Variants in PAPSS1 observed in about 807,000 individuals in gnomAD.
The protein encoded by PAPSS1 is 3'-phosphoadenosine 5'-phosphosulfate synthase 1.
PAPSS1 carries 50 observed loss-of-function variants against 72.0 expected under a neutral mutation model. The ratio of observed to expected loss-of-function variants is 0.69; its 90% CI spans 0.55 to 0.88. The LOEUF is 0.88. Among genes scored for constraint, PAPSS1 ranks in the 40% least tolerant of loss-of-function variants. The probability of loss-of-function intolerance (pLI) is 0.00; values close to 1 mark genes in which losing one functional copy is unlikely to be tolerated. For missense variants in PAPSS1, 657 were observed against 782.2 expected (o/e 0.84, Z 1.91); for synonymous variants, 261 against 263.6 (o/e 0.99, Z 0.09).
intron 6 of PAPSS1, 73 bp from the exon 7 acceptor site, chr4:107,657,080 G>T (rs1471546731): frequency 3.2e-6 from 3 of 932,062 alleles, no homozygotes; most frequent in Non-Finnish European, 5.3e-6. Flanking sequence ...TGACCTTTAG[G>T]AATTTAATTT....
chr4:107,715,871 G>A (rs1224703793), intron 1 of PAPSS1, among the ~76,000 whole-genome samples: 2 of 152,174 alleles, frequency 1.3e-5, no homozygotes, highest in African/African-American at 2.4e-5. Flanking sequence ...CATATGGTAT[G>A]CACCATTAGC....
intron 9 of PAPSS1, among the ~76,000 whole-genome samples, chr4:107,646,468 A>G (rs1312353575): frequency 6.6e-6 from 1 of 151,964 alleles, no homozygotes; most frequent in Non-Finnish European, 1.5e-5. Context: ...CATTCTAAAT[A>G]CCATTCCCCA....
At chr4:107,645,943 C>A (rs1172667300) in intron 9 of PAPSS1, among the ~76,000 whole-genome samples, 1 of 152,104 alleles carries the variant, frequency 6.6e-6, no homozygotes, top group East Asian at 1.9e-4. Context: ...CAAAAGGTAC[C>A]ACAGGAAGAC....
At chr4:107,658,383 T>A (rs1236366065) in intron 6 of PAPSS1, among the ~76,000 whole-genome samples, 1 of 139,716 alleles carries the variant, frequency 7.2e-6, no homozygotes, top group Non-Finnish European at 1.5e-5. Context: ...GGAAGAAACA[T>A]TAAATAAAAT....
chr4:107,711,798 T>A (rs1438052628), intron 1 of PAPSS1, among the ~76,000 whole-genome samples: 1 of 152,112 alleles, frequency 6.6e-6, no homozygotes, highest in Non-Finnish European at 1.5e-5. Context: ...GTTCACAGAG[T>A]TAACTAATAA....
At chr4:107,710,882 T>C (rs56333554) in intron 1 of PAPSS1, among the ~76,000 whole-genome samples, 3 of 152,226 alleles carry the variant, frequency 2.0e-5, no homozygotes, top group African/African-American at 7.2e-5. Flanking sequence ...TTACAGACAA[T>C]AGTGGCTTAC....
chr4:107,645,224 T>G (rs1021603966), intron 9 of PAPSS1, among the ~76,000 whole-genome samples, 154 bp from the exon 10 acceptor site: 4 of 137,384 alleles, frequency 2.9e-5, no homozygotes, highest in African/African-American at 1.2e-4. Context: ...AAAAAAAAAG[T>G]ACTGCTTTGA....
chr4:107,633,913 C>T (rs1409276649), intron 10 of PAPSS1, among the ~76,000 whole-genome samples: 4 of 113,638 alleles, frequency 3.5e-5, no homozygotes, highest in Admixed American at 1.0e-4. Flanking sequence ...AACGAGACTC[C>T]GTCTCAAAAA....
At chr4:107,648,819 T>G (rs770084778) in intron 9 of PAPSS1, among the ~76,000 whole-genome samples, 18 of 152,228 alleles carry the variant, frequency 1.2e-4, no homozygotes, top group Non-Finnish European at 2.4e-4. Flanking sequence ...CAAAGCAGTT[T>G]GATCTCCCCT....
In PAPSS1 at chr4:107,615,665, A is replaced by G. The variant is rs535959072; in HGVS notation, c.1737-1278T>C. Among the ~76,000 whole-genome samples, 4 of 152,328 alleles carry G rather than the reference A, an allele frequency of 2.6e-5. No individual in the cohort carries two copies. In the East Asian group the frequency reaches 5.8e-4, roughly 22 times the overall value. On this transcript the variant is annotated intron_variant, in intron 11 of 11. Transcript: ENST00000265174. ...CTGAGTCGAATATTACATAGTCATTAAAGTACGGATGGGATAAGATGCTCA... is the reference window on the plus strand; with the variant it reads ...CTGAGTCGAATATTACATAGTCATTGAAGTACGGATGGGATAAGATGCTCA...
chr4:107,628,796 A>C (rs117692522), intron 11 of PAPSS1, among the ~76,000 whole-genome samples: 1 of 152,196 alleles, frequency 6.6e-6, no homozygotes, highest in African/African-American at 2.4e-5. Context: ...AGAGGGAATC[A>C]CCCTGTCCAC....
At chr4:107,675,837 T>C (rs891708277) in intron 5 of PAPSS1, among the ~76,000 whole-genome samples, 14 of 152,270 alleles carry the variant, frequency 9.2e-5, no homozygotes, top group African/African-American at 3.1e-4. Flanking sequence ...TTATCCACCA[T>C]GATCAAGTCA....
intron 6 of PAPSS1, among the ~76,000 whole-genome samples, chr4:107,658,395 T>G (rs1479740666): frequency 1.3e-5 from 2 of 149,450 alleles, no homozygotes; most frequent in African/African-American, 5.0e-5. Context: ...AAATAAAATA[T>G]TTTCCAAGAA....
chr4:107,652,646 T>A (rs1460904668), intron 9 of PAPSS1, among the ~76,000 whole-genome samples: 1 of 152,214 alleles, frequency 6.6e-6, no homozygotes, highest in Non-Finnish European at 1.5e-5. Context: ...AAACATTTTT[T>A]AAATGAAGTG....
intron 2 of PAPSS1, among the ~76,000 whole-genome samples, chr4:107,699,756 T>G (rs887104272): frequency 2.6e-5 from 4 of 152,096 alleles, no homozygotes; most frequent in Non-Finnish European, 2.9e-5. Context: ...CAGAAGACAA[T>G]AGAGTACTGT....
At chr4:107,631,592 A>T (rs1223467731) in intron 11 of PAPSS1, 39 bp downstream of exon 11, 1 of 1,428,606 alleles carries the variant, frequency 7.0e-7, no homozygotes, top group South Asian at 1.2e-5. Flanking sequence ...CTAGACCACG[A>T]AGTACTTCAA....
In PAPSS1 at chr4:107,640,002, C is replaced by T. The variant is rs185310101; in HGVS notation, c.1506+4800G>A. ...ATCTCTACCTCCAACTGCATTTTCCCCCAAATTCAACTGATAATCCTCATT... is the reference window on the plus strand; with the variant it reads ...ATCTCTACCTCCAACTGCATTTTCCTCCAAATTCAACTGATAATCCTCATT... On this transcript the variant is annotated intron_variant, in intron 10 of 11. Coordinates refer to ENST00000265174, the MANE Select transcript of PAPSS1 (RefSeq NM_005443.5). Among the ~76,000 whole-genome samples, 14 of 152,268 alleles carry T rather than the reference C, an allele frequency of 9.2e-5. No individual in the cohort carries two copies. In the East Asian group the frequency reaches 2.7e-3, roughly 29 times the overall value.
chr4:107,660,752 C>T (rs957594976), intron 5 of PAPSS1, among the ~76,000 whole-genome samples: 1 of 152,186 alleles, frequency 6.6e-6, no homozygotes, highest in Admixed American at 6.5e-5. Context: ...CTTGACATAT[C>T]CCTAAGAATA....
At chr4:107,684,990 C>T (rs1052042962) in intron 4 of PAPSS1, among the ~76,000 whole-genome samples, 4 of 151,810 alleles carry the variant, frequency 2.6e-5, no homozygotes, top group Admixed American at 6.5e-5. Context: ...ACTGCAAGCT[C>T]TGCCTCCTGT....
Sources: gnomAD v4.1 joint callset for allele counts (sites outside exome capture counted in the v4.1 genomes callset) on GRCh38, gnomAD v4.1.1 for gene constraint, MANE v1.5 for transcripts, NCBI Gene and HGNC (gene_info 2026-07-23, HGNC 2026-07-21) for gene names.